TCP1: variants seen among roughly 807,000 people sequenced by gnomAD.
TCP1 encodes the protein T-complex protein 1 subunit alpha.
Under a neutral mutation model 54.7 loss-of-function variants are expected in TCP1, and 6 were observed. That is an observed-to-expected ratio of 0.11 (90% CI 0.06 to 0.22). The LOEUF (loss-of-function observed/expected upper bound fraction) is 0.22. Ranked by LOEUF, TCP1 falls within the 10% of genes least tolerant of loss-of-function variation. TCP1 has a pLI of 1.00. For synonymous variants in TCP1, 225 were observed against 229.7 expected (o/e 0.98, Z 0.19); for missense variants, 511 against 678.2 (o/e 0.75, Z 2.74).
chr6:159,786,154 C>T (rs986134253), intron 3 of TCP1, 157 bp from the exon 4 acceptor site: 16 of 582,686 alleles, frequency 2.7e-5, no homozygotes, highest in Middle Eastern at 3.4e-4. Flanking sequence ...GGGAGAAGAA[C>T]GCTACAAAAC....
intron 7 of TCP1, among the ~76,000 whole-genome samples, chr6:159,782,388 AG>A (rs1188349694): frequency 3.9e-5 from 6 of 152,242 alleles, no homozygotes; most frequent in African/African-American, 1.4e-4. Context: ...GAAAAAATAC[AG>A]GAAGTTACAA....
intron 3 of TCP1, 130 bp downstream of exon 3, chr6:159,787,613 G>A: frequency 8.3e-7 from 1 of 1,197,794 alleles, no homozygotes; most frequent in Non-Finnish European, 1.2e-6. Context: ...TTTTCTTCTT[G>A]CTCAATCTTC....
rs1156827684 is a variant in TCP1 at position 159,780,998 on chromosome 6, C to G, written c.910G>C (p.Gly304Arg). 1 of 1,613,544 alleles carries G rather than the reference C, an allele frequency of 6.2e-7. No homozygotes were observed. Among genetic ancestry groups the G allele is most frequent in the Non-Finnish European group, 8.5e-7 (1 of 1,179,774 alleles). Residue 304 changes from glycine to arginine, a missense_variant, in exon 8 of 12, where the codon GGT (glycine) becomes CGT (arginine). By Grantham distance (125) the Gly-to-Arg change is moderately radical. Transcript: ENST00000321394. ...DMCLKYFVEA[G>R]AMAVRRVLKR... ...AAAACTCTTCTAACTGCCATAGCACCAGCCTCCACAAAATACTTCAGACAC... is the reference window on the plus strand; with the variant it reads ...AAAACTCTTCTAACTGCCATAGCACGAGCCTCCACAAAATACTTCAGACAC...
Position 159,778,548 on chromosome 6 carries a change from T to C in TCP1, c.*497A>G, listed in dbSNP as rs1780486152. 2.4e-6 allele frequency: 3 copies of C among 1,225,988 alleles called. No homozygotes were observed. The highest frequency in any genetic ancestry group is 3.0e-5 in the African/African-American group (2 of 65,954). 75.9% of individuals were successfully genotyped at this position (1,225,988 alleles called of 1,614,324 possible). A position where few individuals can be genotyped will look rare whatever the true frequency, so the allele number is the denominator to read the frequency against. On this transcript the variant is annotated 3_prime_UTR_variant, in exon 12 of 12. Transcript: ENST00000321394. ...ATTCCTAAGCAGTTAAAATGAAAAT[T>C]TGAGTTTGAAAGGGTAGCATGCTGA... is the stretch of plus-strand genomic sequence containing the variant.
rs147097290 is a variant in TCP1, at chr6:159,779,829, A to G, written c.1291-39T>C. 6.0e-3 allele frequency: 9,164 copies of G among 1,531,408 alleles called. 93 individuals carry two copies. Among genetic ancestry groups the G allele is most frequent in the Middle Eastern group, 0.05 (288 of 5,716 alleles). 94.9% of individuals were successfully genotyped at this position (1,531,408 alleles called of 1,614,324 possible). ...AAAATTAGGTGACTTCACAAAAGGGAAAAAAAAAATTGAAGTCCACAGCTA... is the reference window on the plus strand; with the variant it reads ...AAAATTAGGTGACTTCACAAAAGGGGAAAAAAAAATTGAAGTCCACAGCTA... On this transcript the variant is annotated intron_variant, in intron 10 of 11. Coordinates refer to ENST00000321394, the MANE Select transcript of TCP1 (RefSeq NM_030752.3).
chr6:159,781,839 A>G (rs909812440), intron 7 of TCP1, among the ~76,000 whole-genome samples: 1 of 152,210 alleles, frequency 6.6e-6, no homozygotes, highest in Non-Finnish European at 1.5e-5. Flanking sequence ...AGAACCAGAA[A>G]AGTGAAAAAC....
rs375257883 is a variant in TCP1 at position 159,779,291 on chromosome 6, C to T, written c.1455-30G>A. The T allele has an allele frequency of 1.5e-4, 246 of 1,587,854 alleles. No homozygotes were observed. In the Middle Eastern group the frequency reaches 1.8e-3, roughly 12 times the overall value. ...AATTAAGAAAGAATTATTTAACGGC[C>T]GCTTACAATTTCATTAGGTGGCCTA... On this transcript the variant is annotated intron_variant, in intron 11 of 11. Transcript: ENST00000321394.
chr6:159,787,589 T>C (rs913804084), intron 3 of TCP1, among the ~76,000 whole-genome samples, 154 bp downstream of exon 3: 26 of 143,978 alleles, frequency 1.8e-4, no homozygotes, highest in Non-Finnish European at 3.5e-4. Context: ...CTTAAATGTG[T>C]AACTTCTTTT....
Position 159,778,533 on chromosome 6 carries a change from A to C in TCP1, c.*512T>G, listed in dbSNP as rs1292781857. On this transcript the variant is annotated 3_prime_UTR_variant, in exon 12 of 12. Transcript: ENST00000321394. The stretch of plus-strand genomic sequence containing the variant: ...CAAAGGTGTAAATTTATTCCTAAGC[A>C]GTTAAAATGAAAATTTGAGTTTGAA... The C allele has an allele frequency of 1.9e-6, 2 of 1,059,268 alleles. No individual in the cohort carries two copies. The highest frequency in any genetic ancestry group is 2.7e-6 in the Non-Finnish European group (2 of 740,616). 65.6% of individuals were successfully genotyped at this position (1,059,268 alleles called of 1,614,324 possible).
chr6:159,788,665 G>T (rs933719153), intron 1 of TCP1: 4 of 153,688 alleles, frequency 2.6e-5, no homozygotes, highest in Admixed American at 6.5e-5. Flanking sequence ...TTCAGATTCT[G>T]CAAGTTTTTT....
At chr6:159,787,912 A>G (rs752403669) in intron 2 of TCP1, 41 bp from the exon 3 acceptor site, 12 of 1,611,862 alleles carry the variant, frequency 7.4e-6, no homozygotes, top group Non-Finnish European at 1.0e-5. Context: ...ACTTATAGAA[A>G]TCAACACAGC....
At position 159,781,438 on chromosome 6, in the gene TCP1, G is replaced by A. The variant is rs73585636; in HGVS notation, c.798-328C>T. ...CTAAAGTGGTATGCAGAGATTACAA[G>A]CACATAAAAGACATAAATTTAGCCT... is the stretch of plus-strand genomic sequence containing the variant. On this transcript the variant is annotated intron_variant, in intron 7 of 11. Coordinates refer to ENST00000321394, the MANE Select transcript of TCP1 (RefSeq NM_030752.3). Among the ~76,000 whole-genome samples the A allele has an allele frequency of 8.0e-3, 1,224 of 152,264 alleles. 18 individuals are homozygous for A. Among genetic ancestry groups the A allele is most frequent in the African/African-American group, 0.027 (1,124 of 41,546 alleles).
chr6:159,784,816 C>T lies in TCP1; in HGVS notation c.520G>A (p.Asp174Asn). The change falls in exon 6 of 12, where the codon GAT (aspartate) becomes AAT (asparagine). Residue 174 changes from aspartate (D) to asparagine (N), a missense_variant. By Grantham distance (23) the Asp-to-Asn change is conservative. Coordinates refer to ENST00000321394, the MANE Select transcript of TCP1 (RefSeq NM_030752.3). ...NGDFFANMVV[D>N]AVLAIKYTDI... Reference sequence around the variant, plus strand: ...GTGTATTTAATAGCAAGTACAGCATCTACTACCATGTTAGCAAAGAAATCA... The same window carrying T: ...GTGTATTTAATAGCAAGTACAGCATTTACTACCATGTTAGCAAAGAAATCA... 1 of 1,614,178 alleles carries T rather than the reference C, an allele frequency of 6.2e-7. No homozygotes were observed. The highest frequency in any genetic ancestry group is 8.5e-7 in the Non-Finnish European group (1 of 1,180,032).
chr6:159,778,688 G>A lies in TCP1; in HGVS notation c.*357C>T. Reference sequence around the variant, plus strand: ...ATATTGAAGGAGGGGCTATAGCCTTGGGCCACCCTCTTGGAGCATCTGGCT... The same window carrying A: ...ATATTGAAGGAGGGGCTATAGCCTTAGGCCACCCTCTTGGAGCATCTGGCT... On this transcript the variant is annotated 3_prime_UTR_variant, in exon 12 of 12. Transcript: ENST00000321394. The A allele has an allele frequency of 6.2e-7, 1 of 1,614,196 alleles. No individual in the cohort carries two copies. The highest frequency in any genetic ancestry group is 2.2e-5 in the East Asian group (1 of 44,876).
At chr6:159,780,659 T>C in intron 8 of TCP1, 93 bp from the exon 9 acceptor site, 1 of 1,489,072 alleles carries the variant, frequency 6.7e-7, no homozygotes, top group Non-Finnish European at 9.0e-7. Context: ...AAGTGCTATA[T>C]TACAAGTTTA....
chr6:159,783,874 G>C (rs1780632481), intron 7 of TCP1, 67 bp downstream of exon 7: 2 of 1,498,118 alleles, frequency 1.3e-6, no homozygotes, highest in Non-Finnish European at 1.8e-6. Context: ...AGTTTGACTT[G>C]GCTAAAAATG....
At chr6:159,786,043 AT>A (rs765079509) in intron 3 of TCP1, 46 bp from the exon 4 acceptor site, 1 of 1,459,942 alleles carries the variant, frequency 6.8e-7, no homozygotes, top group South Asian at 1.1e-5. Context: ...GATATTCAAC[AT>A]GTGCAATACA....
intron 8 of TCP1, 54 bp from the exon 9 acceptor site, chr6:159,780,620 AT>A: frequency 1.3e-6 from 2 of 1,578,438 alleles, no homozygotes; most frequent in Middle Eastern, 1.7e-4. Flanking sequence ...TGATTTTAAT[AT>A]CCTTGGACTC....
rs75370044 is a variant in TCP1 at position 159,787,953 on chromosome 6, C to T, written c.151-82G>A. 9.5e-4 allele frequency: 1,530 copies of T among 1,605,056 alleles called. 12 individuals carry two copies. The African/African-American group carries it at 0.018, about 19-fold the overall frequency. ...TATAATACACGTTCACCTTTAATAT[C>T]ACCTTCCAGTACGTGGATTCTGATA... On this transcript the variant is annotated intron_variant, in intron 2 of 11. Coordinates refer to ENST00000321394, the MANE Select transcript of TCP1 (RefSeq NM_030752.3).
Sources: gnomAD v4.1 joint callset for allele counts (sites outside exome capture counted in the v4.1 genomes callset) on GRCh38, gnomAD v4.1.1 for gene constraint, MANE v1.5 for transcripts, NCBI Gene and HGNC (gene_info 2026-07-23, HGNC 2026-07-21) for gene names.